Variants in ATM observed in about 807,000 individuals in gnomAD.
ATM encodes the protein serine-protein kinase ATM.
Under a neutral mutation model 387.0 loss-of-function variants are expected in ATM, and 308 were observed. That is an observed-to-expected ratio of 0.80 (90% CI 0.73 to 0.87). The LOEUF is 0.87. Ranked by LOEUF, ATM falls within the 40% of genes least tolerant of loss-of-function variation. The pLI, the probability that ATM is intolerant of heterozygous loss-of-function variation, is 0.00. For missense variants in ATM, 3,312 were observed against 3,560.9 expected (o/e 0.93, Z 1.78); for synonymous variants, 1,156 against 1,187.3 (o/e 0.97, Z 0.54).
intron 12 of ATM, 77 bp downstream of exon 12, chr11:108,252,989 T>C: frequency 8.1e-7 from 1 of 1,239,760 alleles, no homozygotes; most frequent in East Asian, 2.4e-5. Context: ...AGCTGGGTAG[T>C]AGCTGCATCT....
chr11:108,333,865 T>A (rs201215468), intron 53 of ATM, 21 bp from the exon 54 acceptor site: 8 of 1,564,486 alleles, frequency 5.1e-6, no homozygotes, highest in Non-Finnish European at 7.0e-6. Context: ...GTCACTAAAA[T>A]CTCTTCATTT....
chr11:108,276,078 A>G (rs1330301856), intron 22 of ATM, among the ~76,000 whole-genome samples: 2 of 151,626 alleles, frequency 1.3e-5, no homozygotes, highest in Admixed American at 6.6e-5. Context: ...TTTTTCTCTA[A>G]TCTTGTCTTC....
chr11:108,337,715 T>C (rs967427537), intron 56 of ATM, among the ~76,000 whole-genome samples: 10 of 152,230 alleles, frequency 6.6e-5, no homozygotes, highest in African/African-American at 2.4e-4. Context: ...AATGTAGAGA[T>C]TGCTAAGAAG....
chr11:108,250,202 G>A (rs2080059269), intron 9 of ATM, among the ~76,000 whole-genome samples: 1 of 151,320 alleles, frequency 6.6e-6, no homozygotes, highest in Admixed American at 6.6e-5. Context: ...ACCCAGGCTG[G>A]AGTGCAGTGG....
intron 45 of ATM, among the ~76,000 whole-genome samples, chr11:108,324,737 C>T (rs1166326553): frequency 2.0e-5 from 3 of 152,112 alleles, no homozygotes; most frequent in Non-Finnish European, 4.4e-5. Flanking sequence ...TTTCATAGTT[C>T]AGTTATTTGG....
intron 18 of ATM, 132 bp downstream of exon 18, chr11:108,268,741 A>G (rs1169263962): frequency 3.0e-6 from 3 of 994,034 alleles, no homozygotes; most frequent in Non-Finnish European, 4.6e-6. Flanking sequence ...TGAACCTGAG[A>G]CTAGTTGGAA....
chr11:108,249,766 C>A (rs1233249101), intron 9 of ATM, among the ~76,000 whole-genome samples: 1 of 152,042 alleles, frequency 6.6e-6, no homozygotes, highest in Non-Finnish European at 1.5e-5. Flanking sequence ...CTTTTGATTA[C>A]CATGTTGATG....
chr11:108,269,315 G>T (rs1179196360), intron 18 of ATM, among the ~76,000 whole-genome samples: 1 of 151,892 alleles, frequency 6.6e-6, no homozygotes, highest in Non-Finnish European at 1.5e-5. Flanking sequence ...AATAGTACAG[G>T]TCCCTTGCTC....
rs1591702635 is a variant in ATM, at chr11:108,299,815, T to C, written c.5107T>C (p.Phe1703Leu). ...ATCTTATACCAAGGCCCTTAAGTTA[T>C]TTGAAGATAAAGAACTTCAGTGGAC... The part of the protein sequence containing the change: ...DASYTKALKL[F>L]EDKELQWTFI... Residue 1703 changes from phenylalanine (F) to leucine (L), a missense_variant, in exon 34 of 63, where the codon TTT (phenylalanine) becomes CTT (leucine). By Grantham distance (22) the Phe-to-Leu change is conservative. Around this residue, in one of 4 missense-constraint regions of ATM, gnomAD observed 1,405 missense variants for 1,604.4 expected, o/e 0.88. Coordinates refer to ENST00000675843, the MANE Select transcript of ATM (RefSeq NM_000051.4). 6.2e-7 allele frequency: 1 copy of C among 1,613,976 alleles called. No homozygotes were observed. The highest frequency in any genetic ancestry group is 8.5e-7 in the Non-Finnish European group (1 of 1,179,922).
chr11:108,283,874 A>G (rs145265003), intron 25 of ATM, among the ~76,000 whole-genome samples: 3 of 152,168 alleles, frequency 2.0e-5, no homozygotes, highest in African/African-American at 7.2e-5. Flanking sequence ...TCAAGGGTCA[A>G]CTGCATTTAT....
chr11:108,234,267 G>T (rs987334080), intron 4 of ATM, among the ~76,000 whole-genome samples: 1 of 152,166 alleles, frequency 6.6e-6, no homozygotes, highest in Non-Finnish European at 1.5e-5. Context: ...ACCATAGCCT[G>T]TGAATATAAC....
At chr11:108,282,990 G>C (rs2082316019) in intron 25 of ATM, 111 bp downstream of exon 25, 1 of 678,050 alleles carries the variant, frequency 1.5e-6, no homozygotes, top group Non-Finnish European at 2.5e-6. Context: ...ACATGTGTGT[G>C]TGGGAGCCTA....
chr11:108,281,837 C>G (rs1277298284), intron 24 of ATM, among the ~76,000 whole-genome samples: 2 of 152,132 alleles, frequency 1.3e-5, no homozygotes, highest in Non-Finnish European at 2.9e-5. Context: ...CCTTTTACCT[C>G]TCAGTATAAG....
At chr11:108,335,309 AT>A in intron 55 of ATM, 200 bp downstream of exon 55, 1 of 1,476,598 alleles carries the variant, frequency 6.8e-7, no homozygotes, top group Non-Finnish European at 9.0e-7. Context: ...GACAATCATT[AT>A]TATATGGTTG....
At chr11:108,288,738 T>C (rs2082627806) in intron 27 of ATM, among the ~76,000 whole-genome samples, 1 of 152,144 alleles carries the variant, frequency 6.6e-6, no homozygotes, top group Non-Finnish European at 1.5e-5. Context: ...AGAAAATCAT[T>C]ATAAGATCAT....
At chr11:108,300,964 A>G (rs4988032) in intron 34 of ATM, among the ~76,000 whole-genome samples, 1,913 of 147,330 alleles carry the variant, frequency 0.013, 50 homozygotes, top group African/African-American at 0.044. Flanking sequence ...ATCATAGATC[A>G]TAGCTGACTG....
intron 16 of ATM, among the ~76,000 whole-genome samples, chr11:108,260,878 C>A (rs554227862): frequency 6.6e-6 from 1 of 152,156 alleles, no homozygotes; most frequent in East Asian, 1.9e-4. Context: ...AAAGGGGGGA[C>A]GGACGGCACC....
chr11:108,261,240 C>CAGCTTTGAAG (rs1159952621), intron 16 of ATM, among the ~76,000 whole-genome samples: 1 of 152,228 alleles, frequency 6.6e-6, no homozygotes, highest in African/African-American at 2.4e-5. Flanking sequence ...CCCTGTCTGA[C>CAGCTTTGAAG]AGCTTTGAAG....
rs371530553 is a variant in ATM at position 108,353,834 on chromosome 11, A to G, written c.8740A>G (p.Ile2914Val). Residue 2914 changes from isoleucine (I) to valine (V), a missense_variant, in exon 60 of 63, where the codon ATT (isoleucine) becomes GTT (valine). By Grantham distance (29) the Ile-to-Val change is conservative. Transcript: ENST00000675843. ...ETVPFRLTRD[I>V]VDGMGITGVE... is the part of the protein sequence containing the mutation. ...AGTTCCTTTTAGACTCACCAGAGAT[A>G]TTGTGGATGGCATGGGCATTACGGG... 1 of 1,614,094 alleles carries G rather than the reference A, an allele frequency of 6.2e-7. No homozygotes were observed. The highest frequency in any genetic ancestry group is 2.2e-5 in the East Asian group (1 of 44,874).
Sources: allele counts gnomAD v4.1 joint callset (sites outside exome capture counted in the v4.1 genomes callset), GRCh38; gene constraint gnomAD v4.1.1; regional missense constraint gnomAD v4.1.1; transcripts MANE v1.5; gene names NCBI Gene and HGNC (gene_info 2026-07-23, HGNC 2026-07-21).